TRIM58: variants seen among roughly 807,000 people sequenced by gnomAD.
The protein encoded by TRIM58 is E3 ubiquitin-protein ligase TRIM58.
TRIM58 carries 38 observed loss-of-function variants against 34.1 expected under a neutral mutation model. The observed-to-expected ratio is 1.12, with a 90% confidence interval of 0.86 to 1.46. The LOEUF (loss-of-function observed/expected upper bound fraction) is 1.46. TRIM58 is among the 40% of genes most tolerant of loss of function. The probability of loss-of-function intolerance (pLI) is 0.00; values close to 1 mark genes in which losing one functional copy is unlikely to be tolerated. For synonymous variants in TRIM58, 273 were observed against 275.7 expected (o/e 0.99, Z 0.10); for missense variants, 677 against 642.0 (o/e 1.05, Z -0.59).
intron 5 of TRIM58, among the ~76,000 whole-genome samples, chr1:247,868,331 C>T (rs144028986): frequency 3.9e-5 from 6 of 152,096 alleles, no homozygotes; most frequent in African/African-American, 9.7e-5. Context: ...CCCATACTGA[C>T]AGAGCTCTAC....
chr1:247,876,138 G>C lies in TRIM58; in HGVS notation c.1110G>C (p.Lys370Asn), dbSNP rs1659280084. ...TCTGTCAAGACACACTGCCAAGAAA[G>C]GGGGAAACCACGCCATCTCCTGAGA... ...LGVCQDTLPR[K>N]GETTPSPENG... Residue 370 changes from lysine to asparagine, a missense_variant, in exon 6 of 6, where the codon AAG becomes AAC. Lys to Asn is a moderately conservative substitution (Grantham distance 94). Coordinates refer to ENST00000366481, the MANE Select transcript of TRIM58 (RefSeq NM_015431.4). 6.2e-7 allele frequency: 1 copy of C among 1,614,154 alleles called. No homozygotes were observed. Among genetic ancestry groups the C allele is most frequent in the Non-Finnish European group, 8.5e-7 (1 of 1,180,010 alleles).
Position 247,876,214 on chromosome 1 carries a change from GCCTC to G in TRIM58, c.1189_1192del (p.Ser397HisfsTer66). The G allele has an allele frequency of 6.2e-7, 1 of 1,614,190 alleles. No individual in the cohort carries two copies. The highest frequency in any genetic ancestry group is 8.5e-7 in the Non-Finnish European group (1 of 1,180,026). ...GAAAGGGAATGAGTACATGGTCCTT[GCCTC>G]CCCATCAGTGCCTCTTCTCCAACTG... On this transcript the variant is annotated frameshift_variant, in exon 6 of 6. Transcript: ENST00000366481. LOFTEE classifies it low-confidence loss of function (END_TRUNC).
intron 1 of TRIM58, among the ~76,000 whole-genome samples, chr1:247,859,470 T>C (rs1663728076): frequency 6.6e-6 from 1 of 152,174 alleles, no homozygotes; most frequent in African/African-American, 2.4e-5. Flanking sequence ...TTGAGTAACT[T>C]TGGGAATATA....
rs1341909650 is a variant in TRIM58, at chr1:247,877,734, A to G, written c.*1245A>G. The G allele has an allele frequency of 6.6e-6, 1 of 152,220 alleles. No individual in the cohort carries two copies. Among genetic ancestry groups the G allele is most frequent in the Non-Finnish European group, 1.5e-5 (1 of 68,050 alleles). The allele number at this position is 152,220 out of a possible 1,614,324, so 9.4% of individuals were successfully genotyped here. ...TTGAATTCAGCTTTTCCATTTAAAT[A>G]CATTATAATGATGATGATGAAATCA... is the stretch of plus-strand genomic sequence containing the variant. On this transcript the variant is annotated 3_prime_UTR_variant, in exon 6 of 6. Transcript: ENST00000366481.
At chr1:247,859,945 AT>A (rs780380132) in intron 1 of TRIM58, among the ~76,000 whole-genome samples, 3 of 151,574 alleles carry the variant, frequency 2.0e-5, no homozygotes, top group African/African-American at 7.3e-5. Context: ...TTACCAGCAC[AT>A]TTTTTTTCAA....
At chr1:247,868,160 G>A in intron 5 of TRIM58, 97 bp downstream of exon 5, 1 of 1,030,578 alleles carries the variant, frequency 9.7e-7, no homozygotes, top group Non-Finnish European at 1.4e-6. Flanking sequence ...GCTGCCTGGG[G>A]TTTGCCTCGT....
chr1:247,873,090 C>T (rs1659186185), intron 5 of TRIM58, among the ~76,000 whole-genome samples: 1 of 151,976 alleles, frequency 6.6e-6, no homozygotes, highest in South Asian at 2.1e-4. Context: ...ATTAGCCAGG[C>T]GTGGTGGTGC....
chr1:247,865,666 G>C (rs12061165), intron 3 of TRIM58, among the ~76,000 whole-genome samples: 65,623 of 152,088 alleles, frequency 0.43, 15,100 homozygotes, highest in African/African-American at 0.59. Flanking sequence ...AGACGAGTAA[G>C]AGTGAAAGGA....
At chr1:247,861,853 G>A (rs1470097281) in intron 2 of TRIM58, among the ~76,000 whole-genome samples, 1 of 152,128 alleles carries the variant, frequency 6.6e-6, no homozygotes, top group Non-Finnish European at 1.5e-5. Flanking sequence ...GCCAGGCGTG[G>A]TGGCTCACAC....
chr1:247,857,279 CGA>C lies in TRIM58; in HGVS notation c.35_36del (p.Glu12GlyfsTer175). 7.3e-7 allele frequency: 1 copy of C among 1,363,416 alleles called. No individual in the cohort carries two copies. 84.5% of individuals were successfully genotyped at this position (1,363,416 alleles called of 1,614,324 possible). A position where few individuals can be genotyped will look rare whatever the true frequency, so the allele number is the denominator to read the frequency against. ...GGGCGCCGCCCGGGGAGCGGCTGCGCGAGGATGCGCGGTGCCCGGTGTGCCTG... is the reference window on the plus strand; with the variant it reads ...GGGCGCCGCCCGGGGAGCGGCTGCGCGGATGCGCGGTGCCCGGTGTGCCTG... ...AWAPPGERLR[E>X]DARCPVCLDF... On this transcript the variant is annotated frameshift_variant, in exon 1 of 6. Coordinates refer to ENST00000366481, the MANE Select transcript of TRIM58 (RefSeq NM_015431.4). LOFTEE classifies it high-confidence loss of function.
At position 247,877,056 on chromosome 1, in the gene TRIM58, T is replaced by C. The variant is rs980373283; in HGVS notation, c.*567T>C. ...TGTTGCTTCCTTCTGGATTAATACA[T>C]TTAGAGCCATTCCTTTATATGGTCA... On this transcript the variant is annotated 3_prime_UTR_variant, in exon 6 of 6. Coordinates refer to ENST00000366481, the MANE Select transcript of TRIM58 (RefSeq NM_015431.4). The C allele has an allele frequency of 1.3e-5, 2 of 153,122 alleles. No individual in the cohort carries two copies. Among genetic ancestry groups the C allele is most frequent in the African/African-American group, 4.8e-5 (2 of 41,450 alleles). The allele number at this position is 153,122 out of a possible 1,614,324, so 9.5% of individuals were successfully genotyped here. A position where few individuals can be genotyped will look rare whatever the true frequency, so the allele number is the denominator to read the frequency against.
In TRIM58 at chr1:247,879,293, A is replaced by G. The variant is rs916227794; in HGVS notation, c.*2804A>G. Among the ~76,000 whole-genome samples the G allele has an allele frequency of 1.3e-5, 2 of 152,174 alleles. No homozygotes were observed. Among genetic ancestry groups the G allele is most frequent in the African/African-American group, 2.4e-5 (1 of 41,526 alleles). On this transcript the variant is annotated 3_prime_UTR_variant, in exon 6 of 6. Transcript: ENST00000366481. Reference sequence around the variant, plus strand: ...TCCATCGGCAAGCCCTGTTGGTCCTACCTTCAGAATATGTCCGGGGTTCAG... The same window carrying G: ...TCCATCGGCAAGCCCTGTTGGTCCTGCCTTCAGAATATGTCCGGGGTTCAG...
intron 5 of TRIM58, among the ~76,000 whole-genome samples, chr1:247,869,693 C>T (rs1051896026): frequency 6.6e-6 from 1 of 152,162 alleles, no homozygotes; most frequent in Admixed American, 6.5e-5. Context: ...TCTGGCCTTC[C>T]TGAGATTTCA....
rs1284602025 is a variant in TRIM58, at chr1:247,876,304, A to C, written c.1276A>C (p.Asn426His). The change falls in exon 6 of 6, where the codon AAT becomes CAT. Residue 426 changes from asparagine (N) to histidine (H), a missense_variant. Coordinates refer to ENST00000366481, the MANE Select transcript of TRIM58 (RefSeq NM_015431.4). ...TGAAGCCGGTGAAATTTCATTCTAC[A>C]ATGTCACAGATGGATCTTATATCTA... ...DYEAGEISFY[N>H]VTDGSYIYTF... 4 of 1,614,038 alleles carry C rather than the reference A, an allele frequency of 2.5e-6. No homozygotes were observed. The African/African-American group carries it at 4.0e-5, about 16-fold the overall frequency.
chr1:247,858,536 C>T (rs559896115), intron 1 of TRIM58, among the ~76,000 whole-genome samples: 1 of 152,074 alleles, frequency 6.6e-6, no homozygotes, highest in Non-Finnish European at 1.5e-5. Context: ...ATTGCAAATA[C>T]TTTCTTAAAA....
chr1:247,872,002 G>C (rs1355939913), intron 5 of TRIM58, among the ~76,000 whole-genome samples: 12 of 152,214 alleles, frequency 7.9e-5, no homozygotes, highest in African/African-American at 2.9e-4. Flanking sequence ...GAGCGCCAAG[G>C]CCTGACGTGG....
intron 1 of TRIM58, 83 bp downstream of exon 1, chr1:247,857,749 C>T: frequency 3.3e-6 from 4 of 1,195,994 alleles, no homozygotes; most frequent in Non-Finnish European, 3.1e-6. Flanking sequence ...GCCGAGGCCA[C>T]CCGTCTCCTG....
chr1:247,876,409 A>G lies in TRIM58; in HGVS notation c.1381A>G (p.Thr461Ala). 1 of 1,614,156 alleles carries G rather than the reference A, an allele frequency of 6.2e-7. No individual in the cohort carries two copies. ...TGCAACTCCTCTTATCTTGCCACCC[A>G]CAACAATAGCAGGGTCAGGAAATTG... ...CDATPLILPP[T>A]TIAGSGNWAS... Residue 461 changes from threonine (T) to alanine (A), a missense_variant, in exon 6 of 6, where the codon ACA (threonine) becomes GCA (alanine). By Grantham distance (58) the Thr-to-Ala change is moderately conservative (BLOSUM62 0). Coordinates refer to ENST00000366481, the MANE Select transcript of TRIM58 (RefSeq NM_015431.4).
Position 247,876,115 on chromosome 1 carries a change from T to A in TRIM58, c.1087T>A (p.Cys363Ser). ...AGGAGCAGAGTGGGGTTTAGGGGTC[T>A]GTCAAGACACACTGCCAAGAAAGGG... ...GEGAEWGLGV[C>S]QDTLPRKGET... is the part of the protein sequence containing the mutation. The change falls in exon 6 of 6, where the codon TGT becomes AGT. Residue 363 changes from cysteine (C) to serine (S), a missense_variant. Coordinates refer to ENST00000366481, the MANE Select transcript of TRIM58 (RefSeq NM_015431.4). The A allele has an allele frequency of 6.2e-7, 1 of 1,614,134 alleles. No individual in the cohort carries two copies. Among genetic ancestry groups the A allele is most frequent in the Non-Finnish European group, 8.5e-7 (1 of 1,180,018 alleles).
Sources: allele counts gnomAD v4.1 joint callset (sites outside exome capture counted in the v4.1 genomes callset), GRCh38; gene constraint gnomAD v4.1.1; transcripts MANE v1.5; gene names NCBI Gene and HGNC (gene_info 2026-07-23, HGNC 2026-07-21).